KLHL13: variants seen among roughly 807,000 people sequenced by gnomAD.
KLHL13 encodes kelch-like protein 13.
KLHL13 carries 10 observed loss-of-function variants against 37.1 expected under a neutral mutation model. That is an observed-to-expected ratio of 0.27 (90% CI 0.17 to 0.46). The LOEUF (loss-of-function observed/expected upper bound fraction) is 0.46. Ranked by LOEUF, KLHL13 falls within the 20% of genes least tolerant of loss-of-function variation. KLHL13 has a pLI of 1.00. For missense variants in KLHL13, 360 were observed against 509.3 expected (o/e 0.71, Z 2.82); for synonymous variants, 163 against 181.2 (o/e 0.90, Z 0.81).
intron 2 of KLHL13, among the ~76,000 whole-genome samples, chrX:117,924,463 G>A (rs1018039839): frequency 4.5e-5 from 5 of 111,904 alleles, no homozygotes; most frequent in Admixed American, 9.5e-5. Context: ...CTGCACACTC[G>A]AAATAAGTCC....
At chrX:117,915,568 T>A (rs1234672848) in intron 4 of KLHL13, among the ~76,000 whole-genome samples, 1 of 112,091 alleles carries the variant, frequency 8.9e-6, no homozygotes, top group Non-Finnish European at 1.9e-5. Context: ...TATCCCCAAG[T>A]CTAAAGCCCA....
chrX:117,960,751 T>C lies in KLHL13; in HGVS notation c.98+11980A>G, dbSNP rs148702918. On this transcript the variant is annotated intron_variant, in intron 1 of 6. Transcript: ENST00000262820. ...TGAAAATGTTTTGGGAAGGTAGAAA[T>C]GTAGAGTCCTTTGAAATTTTTTTCA... 2.4e-3 allele frequency among the ~76,000 whole-genome samples: 269 copies of C among 112,038 alleles called. 3 individuals are homozygous for C. Among genetic ancestry groups the C allele is most frequent in the Admixed American group, 0.02 (211 of 10,527 alleles).
At chrX:117,964,732 C>T (rs1011749458) in intron 1 of KLHL13, among the ~76,000 whole-genome samples, 2 of 109,296 alleles carry the variant, frequency 1.8e-5, no homozygotes, top group Non-Finnish European at 3.8e-5. Context: ...TGCTATCCAT[C>T]CCCCCTTCCC....
In KLHL13 at chrX:118,019,794, G is replaced by C. The variant is rs768805096; in HGVS notation, c.-55-74219C>G. On this transcript the variant is annotated intron_variant, in intron 1 of 6. Transcript: ENST00000371882. The stretch of plus-strand genomic sequence containing the variant: ...TTTTTCTCAGGTTTGTCAAAGATCA[G>C]ATAGTTGTAGATATGAGGCGTTATT... Among the ~76,000 whole-genome samples, 143 of 104,201 alleles carry C rather than the reference G, an allele frequency of 1.4e-3. 2 individuals carry two copies. Among genetic ancestry groups the C allele is most frequent in the African/African-American group, 2.5e-3 (67 of 26,711 alleles). 90.5% of individuals were successfully genotyped at this position (104,201 alleles called of 115,157 possible). A position where few individuals can be genotyped will look rare whatever the true frequency, so the allele number is the denominator to read the frequency against.
At chrX:118,030,756 C>T in intron 1 of KLHL13, among the ~76,000 whole-genome samples, 1 of 112,150 alleles carries the variant, frequency 8.9e-6, no homozygotes, top group Non-Finnish European at 1.9e-5. Flanking sequence ...GCCCTTCCAA[C>T]TTCTGCCATG....
At chrX:118,058,947 C>T (rs975703929) in intron 1 of KLHL13, among the ~76,000 whole-genome samples, 1 of 111,762 alleles carries the variant, frequency 8.9e-6, no homozygotes, top group African/African-American at 3.2e-5. Context: ...TAGTAACTGA[C>T]GCACACCTTA....
chrX:118,095,183 G>A (rs1338637560), intron 1 of KLHL13, among the ~76,000 whole-genome samples: 10 of 110,714 alleles, frequency 9.0e-5, no homozygotes, highest in African/African-American at 2.3e-4. Context: ...TCAAAATAAA[G>A]GGATGGAGGA....
intron 1 of KLHL13, among the ~76,000 whole-genome samples, chrX:118,016,881 G>A (rs193000879): frequency 2.7e-5 from 3 of 111,799 alleles, no homozygotes; most frequent in Admixed American, 1.9e-4. Context: ...CTTCTGCCTA[G>A]AGTGTGAAGA....
chrX:118,041,512 GA>G (rs201254163), intron 1 of KLHL13, among the ~76,000 whole-genome samples: 9,290 of 111,422 alleles, frequency 0.083, 346 homozygotes, highest in Middle Eastern at 0.15. Context: ...CTGGATGACA[GA>G]GTGAGACCCT....
chrX:118,031,057 A>C (rs2054333071), intron 1 of KLHL13, among the ~76,000 whole-genome samples: 1 of 110,877 alleles, frequency 9.0e-6, no homozygotes, highest in Non-Finnish European at 1.9e-5. Flanking sequence ...AGGATATGGA[A>C]CTGCAGCCAC....
intron 1 of KLHL13, among the ~76,000 whole-genome samples, chrX:118,041,741 T>C (rs2054508589): frequency 9.0e-6 from 1 of 111,145 alleles, no homozygotes; most frequent in East Asian, 2.8e-4. Flanking sequence ...ATCAGATATA[T>C]AAAAAATTAA....
chrX:117,967,752 A>G (rs776968560), intron 1 of KLHL13, among the ~76,000 whole-genome samples: 130 of 111,955 alleles, frequency 1.2e-3, no homozygotes, highest in Non-Finnish European at 2.0e-3. Flanking sequence ...TTTTTAAAAA[A>G]TACACAATAG....
intron 2 of KLHL13, among the ~76,000 whole-genome samples, chrX:117,935,000 A>T (rs1932703224): frequency 8.9e-6 from 1 of 112,339 alleles, no homozygotes; most frequent in Non-Finnish European, 1.9e-5. Context: ...GAATGTGGAG[A>T]AATTAAAACC....
Position 117,964,978 on chromosome X carries a change from G to A in KLHL13, c.98+7753C>T, listed in dbSNP as rs749597951. 2.2e-4 allele frequency among the ~76,000 whole-genome samples: 25 copies of A among 111,290 alleles called. No individual in the cohort carries two copies. The East Asian group carries it at 3.4e-3, about 15-fold the overall frequency. ...TATATGTGCCACATTTTCTTAATCCGGTCTATCATTGATGGACATTTGGGT... is the reference window on the plus strand; with the variant it reads ...TATATGTGCCACATTTTCTTAATCCAGTCTATCATTGATGGACATTTGGGT... On this transcript the variant is annotated intron_variant, in intron 1 of 6. Coordinates refer to ENST00000262820, the Ensembl canonical transcript of KLHL13.
At chrX:117,972,132 C>T (rs778904200) in intron 1 of KLHL13, among the ~76,000 whole-genome samples, 1 of 111,830 alleles carries the variant, frequency 8.9e-6, no homozygotes, top group East Asian at 2.8e-4. Flanking sequence ...CTTTTTCAAT[C>T]CCCATAATAT....
intron 1 of KLHL13, among the ~76,000 whole-genome samples, chrX:118,016,562 T>C (rs2054130526): frequency 8.9e-6 from 1 of 111,947 alleles, no homozygotes; most frequent in Non-Finnish European, 1.9e-5. Flanking sequence ...AATCTTGCAT[T>C]ATGTACAATA....
chrX:118,112,329 G>A (rs982184686), intron 1 of KLHL13, among the ~76,000 whole-genome samples: 2 of 111,894 alleles, frequency 1.8e-5, no homozygotes, highest in East Asian at 5.6e-4. Context: ...GGTCTAGGTC[G>A]CCTTCATGAA....
At chrX:117,967,329 T>G (rs779780568) in intron 1 of KLHL13, among the ~76,000 whole-genome samples, 2 of 111,945 alleles carry the variant, frequency 1.8e-5, no homozygotes, top group Non-Finnish European at 3.8e-5. Flanking sequence ...AATTTTATCA[T>G]GTATGTTGTT....
At chrX:117,904,396 G>A (rs373833907) in intron 5 of KLHL13, among the ~76,000 whole-genome samples, 1 of 111,147 alleles carries the variant, frequency 9.0e-6, no homozygotes, top group East Asian at 2.8e-4. Context: ...CAACTCTGAT[G>A]GGAAGAGGGA....
Sources: gnomAD v4.1 joint callset for allele counts (sites outside exome capture counted in the v4.1 genomes callset) on GRCh38, gnomAD v4.1.1 for gene constraint, MANE v1.5 for transcripts, NCBI Gene and HGNC (gene_info 2026-07-23, HGNC 2026-07-21) for gene names.